Variants in GLRX3 observed in about 807,000 individuals in gnomAD.
GLRX3 encodes the protein glutaredoxin-3.
GLRX3 carries 22 observed loss-of-function variants against 49.5 expected under a neutral mutation model. The ratio of observed to expected loss-of-function variants is 0.44; its 90% CI spans 0.32 to 0.63. GLRX3 has a LOEUF of 0.63. Ranked by LOEUF, GLRX3 falls within the 30% of genes least tolerant of loss-of-function variation. GLRX3 has a pLI of 0.05. For synonymous variants in GLRX3, 133 were observed against 140.0 expected, an observed-to-expected ratio of 0.95 and a Z score of 0.35; for missense variants, 385 against 396.3, an observed-to-expected ratio of 0.97 and a Z score of 0.24.
chr10:130,176,780 C>CTT (rs1288703711), intron 10 of GLRX3, among the ~76,000 whole-genome samples: 1 of 129,150 alleles, frequency 7.7e-6, no homozygotes, highest in African/African-American at 2.9e-5. Context: ...CTCTTTCTCT[C>CTT]TCTCTCTCTC....
chr10:130,173,954 A>G (rs190522382), intron 8 of GLRX3, among the ~76,000 whole-genome samples: 1 of 151,990 alleles, frequency 6.6e-6, no homozygotes, highest in Non-Finnish European at 1.5e-5. Flanking sequence ...TACATGTAGC[A>G]TTTTCTTTGG....
intron 2 of GLRX3, chr10:130,159,726 A>T: frequency 9.4e-7 from 1 of 1,065,862 alleles, no homozygotes; most frequent in Non-Finnish European, 1.2e-6. Flanking sequence ...TCACTAGTGC[A>T]CCAAAAATTT....
Position 130,157,564 on chromosome 10 carries a change from C to T in GLRX3, c.202-2431C>T, listed in dbSNP as rs150456819. Among the ~76,000 whole-genome samples the T allele has an allele frequency of 5.5e-3, 712 of 128,782 alleles. 2 individuals are homozygous for T. Among genetic ancestry groups the T allele is most frequent in the African/African-American group, 0.02 (673 of 33,840 alleles). The allele number at this position is 128,782 out of a possible 152,430, so 84.5% of individuals were successfully genotyped here. A position where few individuals can be genotyped will look rare whatever the true frequency, so the allele number is the denominator to read the frequency against. Reference sequence around the variant, plus strand: ...ATCTTCCTTACTCAGTCTACTGATTCAAATGCCAGTCTCTTCCCAAAACAC... The same window carrying T: ...ATCTTCCTTACTCAGTCTACTGATTTAAATGCCAGTCTCTTCCCAAAACAC... On this transcript the variant is annotated intron_variant, in intron 2 of 10. Transcript: ENST00000331244.
At chr10:130,165,573 C>T (rs538031626) in intron 4 of GLRX3, among the ~76,000 whole-genome samples, 8 of 151,954 alleles carry the variant, frequency 5.3e-5, no homozygotes, top group Non-Finnish European at 1.0e-4. Flanking sequence ...GAAAGAATAC[C>T]GTCAATCTAT....
In GLRX3 at chr10:130,166,595, G is replaced by C. The variant is rs1394335822; in HGVS notation, c.567G>C (p.Gln189His). ...TCTTCTCAGATGAAGAGGTTCGACA[G>C]GGACTCAAAGCCTATTCCAGTTGGC... is the stretch of plus-strand genomic sequence containing the variant. ...FDIFSDEEVR[Q>H]GLKAYSSWPT... is the part of the protein sequence containing the mutation. Residue 189 changes from glutamine (Q) to histidine (H), a missense_variant, in exon 5 of 11, where the codon CAG becomes CAC. Transcript: ENST00000331244. 1 of 1,609,642 alleles carries C rather than the reference G, an allele frequency of 6.2e-7. No homozygotes were observed. Among genetic ancestry groups the C allele is most frequent in the South Asian group, 1.1e-5 (1 of 91,030 alleles).
chr10:130,141,724 T>G (rs1862179009), intron 1 of GLRX3, among the ~76,000 whole-genome samples: 1 of 152,244 alleles, frequency 6.6e-6, no homozygotes, highest in African/African-American at 2.4e-5. Context: ...ATTTGGCTAA[T>G]TTCCAGTTTT....
chr10:130,159,190 C>T (rs1015638538), intron 2 of GLRX3, among the ~76,000 whole-genome samples: 7 of 152,156 alleles, frequency 4.6e-5, no homozygotes, highest in African/African-American at 1.7e-4. Flanking sequence ...ATTAAATTGA[C>T]AGTCCTATGA....
chr10:130,179,964 A>C (rs1475899698), downstream of GLRX3: 1 of 152,556 alleles, frequency 6.6e-6, no homozygotes, highest in Non-Finnish European at 1.5e-5. Context: ...GTGAATTATC[A>C]AGAAACATTT....
chr10:130,151,819 G>A (rs1862382492), intron 2 of GLRX3, among the ~76,000 whole-genome samples: 1 of 152,064 alleles, frequency 6.6e-6, no homozygotes, highest in Non-Finnish European at 1.5e-5. Context: ...TGCAACCCCT[G>A]CTTTTTTTGC....
At chr10:130,143,260 T>C (rs1862208689) in intron 1 of GLRX3, among the ~76,000 whole-genome samples, 1 of 152,248 alleles carries the variant, frequency 6.6e-6, no homozygotes, top group Non-Finnish European at 1.5e-5. Flanking sequence ...TTCTCGCTGG[T>C]ATTATTTGAT....
intron 10 of GLRX3, among the ~76,000 whole-genome samples, chr10:130,178,687 C>A (rs1014383115): frequency 6.6e-6 from 1 of 151,044 alleles, no homozygotes; most frequent in Non-Finnish European, 1.5e-5. Context: ...TTTTAGGATA[C>A]CTTAACTTCA....
chr10:130,169,394 A>G (rs747840067), intron 6 of GLRX3, 39 bp from the exon 7 acceptor site: 2 of 1,349,288 alleles, frequency 1.5e-6, no homozygotes, highest in East Asian at 2.3e-5. Flanking sequence ...GTGTTGCATA[A>G]TTGAGCTGAG....
intron 6 of GLRX3, among the ~76,000 whole-genome samples, chr10:130,167,895 C>CG (rs1206306610): frequency 3.9e-5 from 6 of 152,138 alleles, no homozygotes; most frequent in Non-Finnish European, 7.3e-5. Context: ...CTCCTCATCC[C>CG]TTTTTTGACT....
chr10:130,173,743 A>G (rs1356821237), intron 8 of GLRX3, among the ~76,000 whole-genome samples: 1 of 152,192 alleles, frequency 6.6e-6, no homozygotes, highest in African/African-American at 2.4e-5. Context: ...TGGGGTTTTT[A>G]AAAAGCATTA....
intron 2 of GLRX3, among the ~76,000 whole-genome samples, chr10:130,149,329 C>G (rs1862327067): frequency 6.6e-6 from 1 of 152,016 alleles, no homozygotes; most frequent in African/African-American, 2.4e-5. Context: ...GTAATCCCAG[C>G]TACTCGGGAG....
intron 1 of GLRX3, among the ~76,000 whole-genome samples, chr10:130,137,440 T>G (rs1432739260): frequency 2.0e-5 from 3 of 152,156 alleles, no homozygotes; most frequent in Non-Finnish European, 4.4e-5. Context: ...TTAGTTGTAT[T>G]ATTAGCGGTT....
chr10:130,166,727 A>G (rs2134913367), intron 5 of GLRX3, 48 bp downstream of exon 5: 7 of 1,276,526 alleles, frequency 5.5e-6, no homozygotes, highest in Non-Finnish European at 7.9e-6. Context: ...CATTTAGAGC[A>G]TACTTTTTAA....
At chr10:130,159,791 A>G in intron 2 of GLRX3, 1 of 1,314,258 alleles carries the variant, frequency 7.6e-7, no homozygotes, top group Admixed American at 3.2e-5. Context: ...AAACCTCTGA[A>G]CCTGTTTTGA....
chr10:130,139,995 A>G (rs1490456805), intron 1 of GLRX3, among the ~76,000 whole-genome samples: 1 of 152,222 alleles, frequency 6.6e-6, no homozygotes, highest in Non-Finnish European at 1.5e-5. Context: ...TACTTTCCAA[A>G]TCATCGCTTC....
Sources: allele counts gnomAD v4.1 joint callset (sites outside exome capture counted in the v4.1 genomes callset), GRCh38; gene constraint gnomAD v4.1.1; transcripts MANE v1.5; gene names NCBI Gene and HGNC (gene_info 2026-07-23, HGNC 2026-07-21).